Variants in ROBO1 observed in about 807,000 individuals in gnomAD.
The protein encoded by ROBO1 is roundabout guidance receptor 1, also known as roundabout homolog 1.
ROBO1 carries 149 observed loss-of-function variants against 195.9 expected under a neutral mutation model. The ratio of observed to expected loss-of-function variants is 0.76; its 90% CI spans 0.67 to 0.87. The LOEUF (loss-of-function observed/expected upper bound fraction) is 0.87, where lower values mean the gene tolerates loss of function less well. ROBO1 is among the 40% of genes least tolerant of loss of function. ROBO1 has a pLI of 0.00. For missense variants in ROBO1, 1,933 were observed against 2,068.3 expected, an observed-to-expected ratio of 0.93 and a Z score of 1.27; for synonymous variants, 816 against 733.2, an observed-to-expected ratio of 1.11 and a Z score of -1.82.
At chr3:79,410,646 G>T (rs540018357) in intron 2 of ROBO1, among the ~76,000 whole-genome samples, 1 of 148,634 alleles carries the variant, frequency 6.7e-6, no homozygotes, top group South Asian at 2.2e-4. Context: ...GGAAGGAAGG[G>T]GTGGAGAGAG....
intron 2 of ROBO1, among the ~76,000 whole-genome samples, chr3:79,395,340 A>AGAAAGAAAGAAAGAAAGAAAGAAAG (rs1553733527): frequency 1.7e-5 from 2 of 119,062 alleles, no homozygotes; most frequent in African/African-American, 3.1e-5. Context: ...AAAAAAAAAA[A>AGAAAGAAAGAAAGAAAGAAAGAAAG]AAAGAAAGAA....
intron 2 of ROBO1, among the ~76,000 whole-genome samples, chr3:79,211,035 A>T (rs1343782500): frequency 2.6e-5 from 4 of 152,184 alleles, no homozygotes; most frequent in Non-Finnish European, 5.9e-5. Context: ...GTAATAGGAA[A>T]ATCTTTATAA....
Position 78,730,451 on chromosome 3 carries a change from A to G in ROBO1, c.658-12568T>C, listed in dbSNP as rs185321459. Among the ~76,000 whole-genome samples, 23 of 111,938 alleles carry G rather than the reference A, an allele frequency of 2.1e-4. 8 individuals carry two copies. The highest frequency in any genetic ancestry group is 1.6e-3 in the Admixed American group (15 of 9,094). The allele number at this position is 111,938 out of a possible 152,430, so 73.4% of individuals were successfully genotyped here. A position where few individuals can be genotyped will look rare whatever the true frequency, so the allele number is the denominator to read the frequency against. The stretch of plus-strand genomic sequence containing the variant: ...TTTACTTTACAGAAATGCATTTTTT[A>G]TTCAAAAATATAAACAGCATTTAAT... On this transcript the variant is annotated intron_variant, in intron 5 of 30. Coordinates refer to ENST00000464233, the MANE Select transcript of ROBO1 (RefSeq NM_002941.4).
At chr3:79,248,762 G>A (rs1168459860) in intron 2 of ROBO1, among the ~76,000 whole-genome samples, 1 of 152,138 alleles carries the variant, frequency 6.6e-6, no homozygotes, top group African/African-American at 2.4e-5. Context: ...AATTTAAGCA[G>A]TGTTTTGGAG....
At chr3:79,758,814 C>T (rs1054595635) in intron 1 of ROBO1, among the ~76,000 whole-genome samples, 1 of 151,866 alleles carries the variant, frequency 6.6e-6, no homozygotes, top group African/African-American at 2.4e-5. Flanking sequence ...AGGCAGAGTG[C>T]TGAAGAACTC....
At chr3:79,365,986 A>G (rs1481230270) in intron 2 of ROBO1, among the ~76,000 whole-genome samples, 2 of 151,724 alleles carry the variant, frequency 1.3e-5, no homozygotes, top group Admixed American at 6.6e-5. Context: ...TTCTCAGGAC[A>G]GGGAGTTTTT....
intron 2 of ROBO1, among the ~76,000 whole-genome samples, chr3:79,582,177 T>C (rs1943682988): frequency 6.6e-6 from 1 of 151,804 alleles, no homozygotes; most frequent in Non-Finnish European, 1.5e-5. Context: ...CTATACAATA[T>C]TTAGAATCTA....
At chr3:78,705,577 TTA>T (rs1240061394) in intron 8 of ROBO1, among the ~76,000 whole-genome samples, 1 of 152,186 alleles carries the variant, frequency 6.6e-6, no homozygotes, top group Non-Finnish European at 1.5e-5. Context: ...ATGGTGAATT[TTA>T]TGTGTCCATT....
chr3:79,468,364 T>A (rs1938085583), intron 2 of ROBO1, among the ~76,000 whole-genome samples: 1 of 152,202 alleles, frequency 6.6e-6, no homozygotes, highest in South Asian at 2.1e-4. Context: ...CACATGAGGA[T>A]ACTGAGGCAC....
intron 2 of ROBO1, among the ~76,000 whole-genome samples, chr3:79,183,080 C>CAAAAAAAAAAAAAAAAAAAAAAAAAAAA (rs1304597488): frequency 1.1e-4 from 7 of 64,832 alleles, no homozygotes; most frequent in African/African-American, 3.8e-4. Context: ...GACTCCAACT[C>CAAAAAAAAAAAAAAAAAAAAAAAAAAAA]AAAAAAAAAA....
chr3:78,655,076 C>A (rs934887505), intron 18 of ROBO1, among the ~76,000 whole-genome samples: 2 of 151,878 alleles, frequency 1.3e-5, no homozygotes, highest in Non-Finnish European at 2.9e-5. Flanking sequence ...AAACCAGGAG[C>A]TATTTTTGTT....
chr3:79,256,300 A>G (rs1304572388), intron 2 of ROBO1, among the ~76,000 whole-genome samples: 2 of 152,186 alleles, frequency 1.3e-5, no homozygotes, highest in Non-Finnish European at 2.9e-5. Context: ...CTGTAGACAC[A>G]TGGTACATGT....
intron 1 of ROBO1, among the ~76,000 whole-genome samples, chr3:79,699,655 GT>G (rs61351890): frequency 3.0e-4 from 44 of 149,080 alleles, no homozygotes; most frequent in Admixed American, 4.7e-4. Flanking sequence ...GTATGTTGTT[GT>G]TTTTTTTTCA....
At chr3:79,410,043 G>A (rs2037703650) in intron 2 of ROBO1, among the ~76,000 whole-genome samples, 1 of 152,080 alleles carries the variant, frequency 6.6e-6, no homozygotes, top group Admixed American at 6.6e-5. Context: ...AGTTCTCTGA[G>A]GAAGTTTTGT....
chr3:79,116,357 T>A (rs750736536), intron 3 of ROBO1, among the ~76,000 whole-genome samples: 12 of 150,894 alleles, frequency 8.0e-5, no homozygotes, highest in South Asian at 2.2e-4. Context: ...TTTTCTTTCT[T>A]ATTTTTTTCG....
intron 2 of ROBO1, among the ~76,000 whole-genome samples, chr3:79,137,373 C>T (rs752598559): frequency 1.8e-4 from 27 of 151,066 alleles, no homozygotes; most frequent in Non-Finnish European, 3.0e-4. Flanking sequence ...GATGCCAGGA[C>T]GTTACTAAAT....
At chr3:78,869,604 C>T (rs1424373872) in intron 4 of ROBO1, among the ~76,000 whole-genome samples, 4 of 152,068 alleles carry the variant, frequency 2.6e-5, no homozygotes, top group African/African-American at 7.2e-5. Context: ...ACCACAAGTG[C>T]GCCTCCACAC....
At chr3:79,307,036 T>G (rs1355519948) in intron 2 of ROBO1, among the ~76,000 whole-genome samples, 1 of 151,992 alleles carries the variant, frequency 6.6e-6, no homozygotes, top group Admixed American at 6.6e-5. Context: ...AAGAGAATGC[T>G]TATTCTCTTA....
intron 2 of ROBO1, among the ~76,000 whole-genome samples, chr3:79,565,964 G>A (rs1185999883): frequency 6.6e-6 from 1 of 152,032 alleles, no homozygotes; most frequent in Non-Finnish European, 1.5e-5. Context: ...TTCCCTTCCT[G>A]GTGGAACTCT....
Sources: gnomAD v4.1 joint callset for allele counts (sites outside exome capture counted in the v4.1 genomes callset) on GRCh38, gnomAD v4.1.1 for gene constraint, MANE v1.5 for transcripts, NCBI Gene and HGNC (gene_info 2026-07-23, HGNC 2026-07-21) for gene names.